The following SSBP3 variants were observed in gnomAD, a reference collection of about 807,000 sequenced individuals.
SSBP3 encodes single stranded DNA binding protein 3, also known as single-stranded DNA-binding protein 3.
SSBP3 carries 5 observed loss-of-function variants against 69.6 expected under a neutral mutation model. The ratio of observed to expected loss-of-function variants is 0.07; its 90% CI spans 0.04 to 0.15. The LOEUF is 0.15. SSBP3 is among the 10% of genes least tolerant of loss of function. The probability of loss-of-function intolerance (pLI) is 1.00; values close to 1 mark genes in which losing one functional copy is unlikely to be tolerated. For missense variants in SSBP3, 312 were observed against 534.0 expected, an observed-to-expected ratio of 0.58 and a Z score of 4.10; for synonymous variants, 196 against 193.4, an observed-to-expected ratio of 1.01 and a Z score of -0.11.
chr1:54,298,187 G>A (rs1371109457), intron 4 of SSBP3, among the ~76,000 whole-genome samples: 1 of 152,152 alleles, frequency 6.6e-6, no homozygotes, highest in Non-Finnish European at 1.5e-5. Flanking sequence ...CCTCCATCAA[G>A]CAGACCGAGG....
chr1:54,267,456 C>T (rs981831782), intron 5 of SSBP3, among the ~76,000 whole-genome samples: 6 of 152,190 alleles, frequency 3.9e-5, no homozygotes, highest in Admixed American at 1.3e-4. Flanking sequence ...GGGTGCAACA[C>T]TTTAATAGAG....
At chr1:54,294,320 C>A (rs1007339192) in intron 4 of SSBP3, among the ~76,000 whole-genome samples, 1 of 152,062 alleles carries the variant, frequency 6.6e-6, no homozygotes, top group Non-Finnish European at 1.5e-5. Context: ...TCGCCCCTCC[C>A]CTCCAAATAA....
chr1:54,240,892 C>G lies in SSBP3; in HGVS notation c.856+13G>C, dbSNP rs1202323258. 1 of 1,612,992 alleles carries G rather than the reference C, an allele frequency of 6.2e-7. No individual in the cohort carries two copies. The highest frequency in any genetic ancestry group is 1.3e-5 in the African/African-American group (1 of 74,856). On this transcript the variant is annotated intron_variant, in intron 13 of 17. Coordinates refer to ENST00000610401, the Ensembl canonical transcript of SSBP3. ...ACCACCAGACCCCCCACTTTCCCCT[C>G]AAGCGCTCTTACCTGCGGGACTGGG...
chr1:54,259,299 A>G (rs1004248472), intron 5 of SSBP3, among the ~76,000 whole-genome samples: 11 of 152,206 alleles, frequency 7.2e-5, no homozygotes, highest in African/African-American at 2.7e-4. Context: ...ATAAAAAAAA[A>G]AGTCAGAGAG....
At position 54,316,667 on chromosome 1, in the gene SSBP3, AATAAATAAAT is replaced by A. The variant is rs1557525409; in HGVS notation, c.277-35150_277-35141del. 4.0e-3 allele frequency among the ~76,000 whole-genome samples: 225 copies of A among 56,432 alleles called. 20 individuals are homozygous for A. Among genetic ancestry groups the A allele is most frequent in the Middle Eastern group, 0.015 (2 of 136 alleles). 37.0% of individuals were successfully genotyped at this position (56,432 alleles called of 152,430 possible). ...CGTCTCAAAAAAAAAAAATAAAATAAATAAATAAATAAATAAATAAATAAATAAATAAATA... is the reference window on the plus strand; with the variant it reads ...CGTCTCAAAAAAAAAAAATAAAATAAAAATAAATAAATAAATAAATAAATA... On this transcript the variant is annotated intron_variant, in intron 4 of 17. Coordinates refer to ENST00000610401, the Ensembl canonical transcript of SSBP3.
At chr1:54,229,430 G>A (rs746230532) in intron 14 of SSBP3, among the ~76,000 whole-genome samples, 39 of 152,120 alleles carry the variant, frequency 2.6e-4, no homozygotes, top group African/African-American at 4.6e-4. Context: ...AGAAGAGGTG[G>A]GGTTTGATGA....
intron 4 of SSBP3, among the ~76,000 whole-genome samples, chr1:54,383,915 G>A (rs930000963): frequency 2.1e-4 from 32 of 152,196 alleles, no homozygotes; most frequent in African/African-American, 7.5e-4. Flanking sequence ...GACCATCCCA[G>A]CTAACACAGC....
rs1557504931 is a variant in SSBP3, at chr1:54,294,170, AGAAAG to A, written c.277-12648_277-12644del. ...AAAAAAAAAAAAAAAAAAGAAAGAAAGAAAGAAAGAAAGAAAGAAAGAAAAGAAAA... is the reference window on the plus strand; with the variant it reads ...AAAAAAAAAAAAAAAAAAGAAAGAAAAAAGAAAGAAAGAAAGAAAAGAAAA... On this transcript the variant is annotated intron_variant, in intron 4 of 17. Transcript: ENST00000610401. Among the ~76,000 whole-genome samples, 27 of 77,520 alleles carry A rather than the reference AGAAAG, an allele frequency of 3.5e-4. 1 individual carries two copies. Among genetic ancestry groups the A allele is most frequent in the African/African-American group, 7.7e-4 (18 of 23,338 alleles). The allele number at this position is 77,520 out of a possible 152,430, so 50.9% of individuals were successfully genotyped here. A position where few individuals can be genotyped will look rare whatever the true frequency, so the allele number is the denominator to read the frequency against.
At chr1:54,381,406 A>AAAG (rs1557580417) in intron 4 of SSBP3, among the ~76,000 whole-genome samples, 4 of 146,516 alleles carry the variant, frequency 2.7e-5, no homozygotes, top group South Asian at 4.4e-4. Flanking sequence ...AAAAAAAAAA[A>AAAG]AGAGAGAGAG....
intron 4 of SSBP3, among the ~76,000 whole-genome samples, chr1:54,329,184 G>C (rs1057381237): frequency 6.8e-6 from 1 of 146,048 alleles, no homozygotes; most frequent in African/African-American, 2.7e-5. Flanking sequence ...TAGAAGAGGT[G>C]GATAGACCAT....
intron 4 of SSBP3, chr1:54,285,581 T>C (rs1189039387): frequency 6.6e-6 from 1 of 152,178 alleles, no homozygotes; most frequent in African/African-American, 2.4e-5. Context: ...TCATGATTAC[T>C]ACGTGTATAA....
At chr1:54,392,526 T>A (rs1648571577) in intron 4 of SSBP3, among the ~76,000 whole-genome samples, 1 of 152,272 alleles carries the variant, frequency 6.6e-6, no homozygotes, top group Non-Finnish European at 1.5e-5. Context: ...TGTTTCTTTT[T>A]TGGTAATTAC....
intron 14 of SSBP3, chr1:54,238,459 G>A (rs373751834): frequency 2.6e-6 from 1 of 388,178 alleles, no homozygotes. Flanking sequence ...TGCCTGTGGA[G>A]GGGAAGCAGA....
chr1:54,263,080 G>A (rs899400352), intron 5 of SSBP3, among the ~76,000 whole-genome samples: 1 of 152,188 alleles, frequency 6.6e-6, no homozygotes, highest in Non-Finnish European at 1.5e-5. Context: ...CTTAGGCAGG[G>A]CCCAGGAGGC....
At chr1:54,249,903 T>G (rs1191802079) in intron 9 of SSBP3, among the ~76,000 whole-genome samples, 1 of 152,158 alleles carries the variant, frequency 6.6e-6, no homozygotes, top group African/African-American at 2.4e-5. Flanking sequence ...ATCCATGGGC[T>G]GGGCGGTGGC....
At chr1:54,271,477 C>T (rs1645192342) in intron 5 of SSBP3, among the ~76,000 whole-genome samples, 2 of 152,188 alleles carry the variant, frequency 1.3e-5, no homozygotes, top group South Asian at 2.1e-4. Flanking sequence ...GGATTTGCTG[C>T]GCGACTGTTC....
chr1:54,353,886 G>T (rs186848072), intron 4 of SSBP3, among the ~76,000 whole-genome samples: 2 of 152,356 alleles, frequency 1.3e-5, no homozygotes, highest in East Asian at 1.9e-4. Context: ...CTGAGGGACT[G>T]AGAGGGACTG....
intron 4 of SSBP3, among the ~76,000 whole-genome samples, chr1:54,355,851 ACACGATCC>A (rs1247171488): frequency 1.3e-5 from 2 of 152,078 alleles, no homozygotes; most frequent in Non-Finnish European, 2.9e-5. Context: ...GTGCGAGGGG[ACACGATCC>A]CACGTGAGGG....
chr1:54,342,059 C>T lies in SSBP3; in HGVS notation c.276+59802G>A, dbSNP rs761656782. Among the ~76,000 whole-genome samples the T allele has an allele frequency of 1.6e-4, 25 of 152,314 alleles. No homozygotes were observed. The South Asian group carries it at 1.9e-3, about 11-fold the overall frequency. On this transcript the variant is annotated intron_variant, in intron 4 of 17. Coordinates refer to ENST00000610401, the Ensembl canonical transcript of SSBP3. ...TGACACCACACTGTGTAAGGCCACG[C>T]GCAGAGGGATTTCCTGGAATGTCTG... is the stretch of plus-strand genomic sequence containing the variant.
Sources: gnomAD v4.1 joint callset for allele counts (sites outside exome capture counted in the v4.1 genomes callset) on GRCh38, gnomAD v4.1.1 for gene constraint, MANE v1.5 for transcripts, NCBI Gene and HGNC (gene_info 2026-07-23, HGNC 2026-07-21) for gene names.